The following RORA variants were observed in gnomAD, a reference collection of about 807,000 sequenced individuals.
RORA encodes the protein RAR related orphan receptor A.
Under a neutral mutation model 69.5 loss-of-function variants are expected in RORA, and 7 were observed. That is an observed-to-expected ratio of 0.10 (90% CI 0.06 to 0.19). RORA has a LOEUF of 0.19. Ranked by LOEUF, RORA falls within the 10% of genes least tolerant of loss-of-function variation. RORA has a pLI of 1.00. For synonymous variants in RORA, 261 were observed against 240.8 expected, an observed-to-expected ratio of 1.08 and a Z score of -0.78; for missense variants, 457 against 663.0, an observed-to-expected ratio of 0.69 and a Z score of 3.41.
chr15:60,723,800 G>A (rs944969744), intron 1 of RORA, among the ~76,000 whole-genome samples: 20 of 152,136 alleles, frequency 1.3e-4, no homozygotes, highest in African/African-American at 4.6e-4. Context: ...GGGCTTGGAG[G>A]CTACAAGAAG....
chr15:60,633,730 A>ACT (rs1193635294), intron 2 of RORA, among the ~76,000 whole-genome samples: 2 of 152,212 alleles, frequency 1.3e-5, no homozygotes, highest in Admixed American at 1.3e-4. Flanking sequence ...ACAAGGGAAA[A>ACT]CTATGGTGTG....
At chr15:60,774,698 C>A (rs1032081736) in intron 1 of RORA, among the ~76,000 whole-genome samples, 2 of 152,162 alleles carry the variant, frequency 1.3e-5, no homozygotes, top group South Asian at 2.1e-4. Flanking sequence ...CCACATTGGC[C>A]ACTGGTATTT....
chr15:60,524,302 A>C (rs2066275012), intron 3 of RORA, among the ~76,000 whole-genome samples: 1 of 152,188 alleles, frequency 6.6e-6, no homozygotes, highest in South Asian at 2.1e-4. Flanking sequence ...TCACACAGTT[A>C]CTAAAGATAT....
chr15:60,757,885 C>T (rs1447464697), intron 1 of RORA, among the ~76,000 whole-genome samples: 1 of 152,146 alleles, frequency 6.6e-6, no homozygotes, highest in African/African-American at 2.4e-5. Context: ...AGCCACCCGT[C>T]ACCCTCAGAA....
In RORA at chr15:60,951,584, A is replaced by G. The variant is rs981118230; in HGVS notation, c.167-272898T>C. Among the ~76,000 whole-genome samples the G allele has an allele frequency of 8.0e-4, 121 of 150,342 alleles. 1 individual carries two copies. Among genetic ancestry groups the G allele is most frequent in the Middle Eastern group, 6.8e-3 (2 of 294 alleles). ...AAAAAGAGAGAAGAATCAAATAGAC[A>G]CAATAAAAAATGATAAAGGGGATAT... On this transcript the variant is annotated intron_variant, in intron 1 of 10. Coordinates refer to ENST00000335670, the MANE Select transcript of RORA (RefSeq NM_134261.3).
chr15:60,950,880 C>T (rs1382514535), intron 1 of RORA, among the ~76,000 whole-genome samples: 14 of 141,140 alleles, frequency 9.9e-5, no homozygotes, highest in East Asian at 4.2e-4. Context: ...GACAGATCAA[C>T]GAGACAGAAA....
At chr15:60,943,363 C>T (rs776184136) in intron 1 of RORA, among the ~76,000 whole-genome samples, 1 of 150,602 alleles carries the variant, frequency 6.6e-6, no homozygotes, top group Non-Finnish European at 1.5e-5. Flanking sequence ...TGATTCTATT[C>T]AATCTTGTTC....
intron 2 of RORA, among the ~76,000 whole-genome samples, chr15:60,646,164 G>C (rs1322263516): frequency 6.6e-6 from 1 of 152,198 alleles, no homozygotes; most frequent in Non-Finnish European, 1.5e-5. Context: ...GTTTTCCACT[G>C]TAAGTTATAG....
At chr15:61,080,088 G>A (rs1328835573) in intron 1 of RORA, among the ~76,000 whole-genome samples, 2 of 152,160 alleles carry the variant, frequency 1.3e-5, no homozygotes, top group Admixed American at 1.3e-4. Context: ...CATGGGAGCT[G>A]CTTCTCAGGT....
chr15:60,561,239 G>A (rs1215321134), intron 2 of RORA, among the ~76,000 whole-genome samples: 1 of 150,906 alleles, frequency 6.6e-6, no homozygotes, highest in African/African-American at 2.4e-5. Context: ...CCGCTACCAC[G>A]CCCGGCTAAT....
rs146056582 is a variant in RORA, at chr15:60,892,803, G to A, written c.167-214117C>T. On this transcript the variant is annotated intron_variant, in intron 1 of 10. Transcript: ENST00000335670. ...ATTTTCCAGTGAGTTCCAGTTTCAG[G>A]AGGTTACAAGGTAAAAGGGAAGGAA... Among the ~76,000 whole-genome samples the A allele has an allele frequency of 1.1e-3, 173 of 152,280 alleles. 1 individual carries two copies. The highest frequency in any genetic ancestry group is 3.1e-3 in the African/African-American group (127 of 41,558).
intron 1 of RORA, among the ~76,000 whole-genome samples, chr15:60,763,195 A>G (rs924493908): frequency 6.7e-6 from 1 of 150,328 alleles, no homozygotes; most frequent in African/African-American, 2.5e-5. Context: ...GATGCTGCAA[A>G]TGCCATTCTG....
chr15:60,678,606 G>A (rs753246897), intron 2 of RORA, 51 bp downstream of exon 2: 31 of 1,399,104 alleles, frequency 2.2e-5, no homozygotes, highest in African/African-American at 8.5e-5. Context: ...AGACATATGC[G>A]AATTCCAACT....
chr15:60,753,448 C>G (rs933169879), intron 1 of RORA, among the ~76,000 whole-genome samples: 1 of 152,148 alleles, frequency 6.6e-6, no homozygotes, highest in Non-Finnish European at 1.5e-5. Context: ...TATGTCCTAG[C>G]GGAACAGGGA....
chr15:60,536,041 A>C (rs2066667350), intron 2 of RORA, among the ~76,000 whole-genome samples: 1 of 152,190 alleles, frequency 6.6e-6, no homozygotes, highest in Non-Finnish European at 1.5e-5. Flanking sequence ...TATAACTAAA[A>C]ATAACCATCA....
chr15:61,081,573 C>T (rs1282776930), intron 1 of RORA, among the ~76,000 whole-genome samples: 2 of 151,998 alleles, frequency 1.3e-5, no homozygotes, highest in African/African-American at 2.4e-5. Context: ...TTTGGGAGGC[C>T]GACGTGGGTG....
At chr15:60,592,275 C>A (rs1378935826) in intron 2 of RORA, 2 of 746,460 alleles carry the variant, frequency 2.7e-6, no homozygotes, top group Non-Finnish European at 3.6e-6. Flanking sequence ...GCGCCGAGCC[C>A]CGGGCAGTAC....
chr15:61,229,024 C>A, intron 1 of RORA, 29 bp downstream of exon 1: 1 of 1,306,026 alleles, frequency 7.7e-7, no homozygotes, highest in Non-Finnish European at 9.9e-7. Flanking sequence ...TCCCGCCGCC[C>A]CCTCCCCAGC....
At chr15:60,956,315 C>G (rs1893266595) in intron 1 of RORA, among the ~76,000 whole-genome samples, 1 of 152,046 alleles carries the variant, frequency 6.6e-6, no homozygotes, top group Non-Finnish European at 1.5e-5. Context: ...CATGTATTAC[C>G]ATTTAATTCT....
Sources: gnomAD v4.1 joint callset for allele counts (sites outside exome capture counted in the v4.1 genomes callset) on GRCh38, gnomAD v4.1.1 for gene constraint, MANE v1.5 for transcripts, NCBI Gene and HGNC (gene_info 2026-07-23, HGNC 2026-07-21) for gene names.